The following OTOF variants were observed in gnomAD, a reference collection of about 807,000 sequenced individuals.
The protein encoded by OTOF is fer-1-like family member 2.
In OTOF, 218 loss-of-function variants were observed where a neutral mutation model predicts 236.8. The ratio of observed to expected loss-of-function variants is 0.92; its 90% CI spans 0.82 to 1.03. OTOF has a LOEUF of 1.03. Among genes scored for constraint, OTOF ranks in the 50% least tolerant of loss-of-function variants. OTOF has a pLI of 0.00. For synonymous variants in OTOF, 1,041 were observed against 1,072.5 expected, an observed-to-expected ratio of 0.97 and a Z score of 0.57; for missense variants, 2,590 against 2,694.4, an observed-to-expected ratio of 0.96 and a Z score of 0.86.
At chr2:26,505,515 G>C (rs188174880) in intron 5 of OTOF, among the ~76,000 whole-genome samples, 65 of 152,260 alleles carry the variant, frequency 4.3e-4, no homozygotes, top group South Asian at 1.0e-3. Context: ...AATGTCTGCA[G>C]ATGTCTGCTC....
In OTOF at chr2:26,480,245, G is replaced by C. The variant is rs372517439; in HGVS notation, c.1870C>G (p.Arg624Gly). ...GTGATGGGCTTGTCTCCGTTTCTCCGGTCGATCATTGAGGCCTCCAGGAAG... is the reference window on the plus strand; with the variant it reads ...GTGATGGGCTTGTCTCCGTTTCTCCCGTCGATCATTGAGGCCTCCAGGAAG... ...GAFLEASMID[R>G]RNGDKPITFE... The change falls in exon 16 of 47, where the codon CGG (arginine) becomes GGG (glycine). Residue 624 changes from arginine to glycine, a missense_variant. Coordinates refer to ENST00000272371, the MANE Select transcript of OTOF (RefSeq NM_194248.3). The C allele has an allele frequency of 1.2e-6, 2 of 1,612,796 alleles. No homozygotes were observed. The highest frequency in any genetic ancestry group is 2.7e-5 in the African/African-American group (2 of 74,924).
chr2:26,516,613 G>T lies in OTOF; in HGVS notation c.328-14C>A. ...GCACAGGCTGGTCTGAAGGGAGGGA[G>T]GCGGTGGTGAGCAGCTGGGATGGTG... On this transcript the variant is annotated splice_polypyrimidine_tract_variant and intron_variant, in intron 4 of 46. Transcript: ENST00000272371. 1 of 1,602,246 alleles carries T rather than the reference G, an allele frequency of 6.2e-7. No homozygotes were observed. The highest frequency in any genetic ancestry group is 1.3e-5 in the African/African-American group (1 of 75,038).
intron 1 of OTOF, among the ~76,000 whole-genome samples, chr2:26,554,085 C>A (rs556424671): frequency 6.7e-6 from 1 of 149,488 alleles, no homozygotes; most frequent in East Asian, 2.0e-4. Flanking sequence ...GCAGAAGAAT[C>A]GCTTGAACCC....
Position 26,463,438 on chromosome 2 carries a change from T to C in OTOF, c.5192+45A>G, listed in dbSNP as rs766571522. 1.4e-5 allele frequency: 20 copies of C among 1,461,512 alleles called. No homozygotes were observed. In the East Asian group the frequency reaches 3.6e-4, roughly 27 times the overall value. The allele number at this position is 1,461,512 out of a possible 1,614,324, so 90.5% of individuals were successfully genotyped here. A position where few individuals can be genotyped will look rare whatever the true frequency, so the allele number is the denominator to read the frequency against. Reference sequence around the variant, plus strand: ...GGGTTGGGCCGTGGTGGGAAGTGGGTGGGGTGGGCCGGAAGGGAGTAGCGC... The same window carrying C: ...GGGTTGGGCCGTGGTGGGAAGTGGGCGGGGTGGGCCGGAAGGGAGTAGCGC... On this transcript the variant is annotated intron_variant, in intron 41 of 46. Coordinates refer to ENST00000272371, the MANE Select transcript of OTOF (RefSeq NM_194248.3).
rs747407421 is a variant in OTOF at position 26,472,521 on chromosome 2, C to A, written c.3862G>T (p.Ala1288Ser). The change falls in exon 30 of 47, where the codon GCG becomes TCG. Residue 1288 changes from alanine (A) to serine (S), a missense_variant and splice_region_variant. By Grantham distance (99) the Ala-to-Ser change is moderately conservative. Coordinates refer to ENST00000272371, the MANE Select transcript of OTOF (RefSeq NM_194248.3). Reference protein sequence around the residue: ...KKLETMVKLDATSEAVVKVDV... With the variant: ...KKLETMVKLDSTSEAVVKVDV... Reference sequence around the variant, plus strand: ...GGGGCTGACCCCACCCGCCTTACCGCGTCCAGCTTCACCATGGTCTCCAGT... The same window carrying A: ...GGGGCTGACCCCACCCGCCTTACCGAGTCCAGCTTCACCATGGTCTCCAGT... 2 of 1,613,538 alleles carry A rather than the reference C, an allele frequency of 1.2e-6. No homozygotes were observed. The highest frequency in any genetic ancestry group is 3.3e-5 in the Admixed American group (2 of 60,024).
intron 1 of OTOF, among the ~76,000 whole-genome samples, chr2:26,541,334 C>T (rs1337405745): frequency 3.9e-5 from 6 of 152,156 alleles, no homozygotes; most frequent in Non-Finnish European, 5.9e-5. Flanking sequence ...GGTTCTGTTT[C>T]AAAATGTGCT....
At chr2:26,516,651 A>T in intron 4 of OTOF, 52 bp from the exon 5 acceptor site, 1 of 1,575,682 alleles carries the variant, frequency 6.3e-7, no homozygotes, top group Non-Finnish European at 8.6e-7. Context: ...AGCAATCTCC[A>T]CCCCGTATAT....
chr2:26,485,296 C>T (rs1025979365), intron 11 of OTOF, among the ~76,000 whole-genome samples: 1 of 152,234 alleles, frequency 6.6e-6, no homozygotes, highest in Non-Finnish European at 1.5e-5. Context: ...TCATTTTGCT[C>T]AAGTCTCTCC....
At chr2:26,485,881 G>A (rs528342263) in intron 11 of OTOF, among the ~76,000 whole-genome samples, 10 of 152,344 alleles carry the variant, frequency 6.6e-5, no homozygotes, top group South Asian at 4.1e-4. Context: ...AGGAAGGCAC[G>A]TGGATGAGGA....
chr2:26,539,414 T>C (rs142398498), intron 1 of OTOF, among the ~76,000 whole-genome samples: 46 of 152,334 alleles, frequency 3.0e-4, no homozygotes, highest in African/African-American at 1.1e-3. Flanking sequence ...ATTTCTTCTA[T>C]GAAGAGACAA....
intron 35 of OTOF, 35 bp downstream of exon 35, chr2:26,467,064 G>A (rs571710284): frequency 7.5e-6 from 12 of 1,609,810 alleles, no homozygotes; most frequent in East Asian, 6.7e-5. Context: ...AAGGGCTGGC[G>A]GGTGCTCAGG....
chr2:26,519,124 G>A lies in OTOF; in HGVS notation c.228-15C>T. The A allele has an allele frequency of 1.3e-6, 2 of 1,538,212 alleles. No homozygotes were observed. Among genetic ancestry groups the A allele is most frequent in the Non-Finnish European group, 1.8e-6 (2 of 1,118,316 alleles). On this transcript the variant is annotated splice_polypyrimidine_tract_variant and intron_variant, in intron 3 of 46. Transcript: ENST00000272371. ...TCCCGATGAGCCTGGGGATGGCAGA[G>A]GGGGCACGGTGGTAACATGGAAGAG...
At chr2:26,474,473 C>G in intron 26 of OTOF, 40 bp downstream of exon 26, 1 of 1,550,334 alleles carries the variant, frequency 6.5e-7, no homozygotes, top group South Asian at 1.2e-5. Flanking sequence ...CTCCCAGCCT[C>G]CAGTCCCCAG....
intron 2 of OTOF, among the ~76,000 whole-genome samples, chr2:26,534,112 C>A (rs767727762): frequency 6.6e-6 from 1 of 152,174 alleles, no homozygotes; most frequent in Non-Finnish European, 1.5e-5. Context: ...GGGTTTAAAT[C>A]CTGTTGTGGC....
At chr2:26,537,329 G>A (rs1667094848) in intron 2 of OTOF, among the ~76,000 whole-genome samples, 2 of 152,182 alleles carry the variant, frequency 1.3e-5, no homozygotes, top group African/African-American at 4.8e-5. Flanking sequence ...ACACAGACTG[G>A]CCTTTGCGAC....
intron 4 of OTOF, among the ~76,000 whole-genome samples, chr2:26,518,452 A>G (rs1443968538): frequency 6.6e-6 from 1 of 152,218 alleles, no homozygotes; most frequent in Admixed American, 6.5e-5. Context: ...GGCTGAGCTC[A>G]AGAGGACTGA....
intron 2 of OTOF, among the ~76,000 whole-genome samples, chr2:26,532,078 G>A (rs1449181048): frequency 2.0e-5 from 2 of 100,834 alleles, no homozygotes; most frequent in Non-Finnish European, 3.5e-5. Flanking sequence ...GGGTGACAGA[G>A]TAAGACTCCA....
chr2:26,477,828 C>A lies in OTOF; in HGVS notation c.2215-79G>T. 6.3e-7 allele frequency: 1 copy of A among 1,583,592 alleles called. No individual in the cohort carries two copies. Among genetic ancestry groups the A allele is most frequent in the Non-Finnish European group, 8.6e-7 (1 of 1,165,154 alleles). On this transcript the variant is annotated intron_variant, in intron 18 of 46. Coordinates refer to ENST00000272371, the MANE Select transcript of OTOF (RefSeq NM_194248.3). The surrounding 1 kb of genome is among the most constrained non-coding windows in gnomAD (Gnocchi z 4.7). ...CCCCAAATGCCTCCTCCCTGTTGAT[C>A]AGGGGAGTGAGGGACCTCATGATCT...
chr2:26,513,627 T>G (rs1666446338), intron 5 of OTOF, among the ~76,000 whole-genome samples: 1 of 152,224 alleles, frequency 6.6e-6, no homozygotes, highest in East Asian at 1.9e-4. Context: ...ATTTTCCTCT[T>G]GCTCATTGTG....
Sources: gnomAD v4.1 joint callset for allele counts (sites outside exome capture counted in the v4.1 genomes callset) on GRCh38, gnomAD v4.1.1 for gene constraint, Gnocchi (gnomAD v3.1) non-coding constraint, MANE v1.5 for transcripts, NCBI Gene and HGNC (gene_info 2026-07-23, HGNC 2026-07-21) for gene names.